The following ATP1B2 variants were observed in gnomAD, a reference collection of about 807,000 sequenced individuals.
ATP1B2 encodes sodium/potassium-transporting ATPase subunit beta-2.
Under a neutral mutation model 37.3 loss-of-function variants are expected in ATP1B2, and 12 were observed. The observed-to-expected ratio is 0.32, with a 90% CI of 0.21 to 0.52. The LOEUF is 0.52. ATP1B2 is among the 20% of genes least tolerant of loss of function. ATP1B2 has a pLI of 0.96. For missense variants in ATP1B2, 324 were observed against 391.6 expected, an observed-to-expected ratio of 0.83 and a Z score of 1.46; for synonymous variants, 139 against 140.5, an observed-to-expected ratio of 0.99 and a Z score of 0.07.
Position 7,653,899 on chromosome 17 carries a change from T to G in ATP1B2, c.300T>G (p.Thr100=). The change falls in exon 3 of 7, where the codon ACT becomes ACG. Residue 100 remains threonine, a synonymous_variant. Coordinates refer to ENST00000250111, the MANE Select transcript of ATP1B2 (RefSeq NM_001678.5). The part of the protein sequence containing the change: ...NLDVIVNVSD[T]ESWDQHVQKL... ...ATGTCATTGTCAATGTCAGTGACAC[T>G]GAAAGCTGGGACCAGCATGTTCAGA... 1 of 1,614,210 alleles carries G rather than the reference T, an allele frequency of 6.2e-7. No homozygotes were observed.
rs768024660 is a variant in ATP1B2 at position 7,651,599 on chromosome 17, C to A, written c.81C>A (p.His27Gln). 5 of 1,606,196 alleles carry A rather than the reference C, an allele frequency of 3.1e-6. No homozygotes were observed. Among genetic ancestry groups the A allele is most frequent in the Non-Finnish European group, 4.2e-6 (5 of 1,176,640 alleles). The change falls in exon 1 of 7, where the codon CAC becomes CAA. Residue 27 changes from histidine (H) to glutamine (Q), a missense_variant. His to Gln is a conservative substitution (Grantham distance 24, BLOSUM62 0). Transcript: ENST00000250111. ...WKEFVWNPRT[H>Q]QFMGRTGTSW... ...AGTTCGTGTGGAACCCGAGGACGCACCAGTTTATGGGCCGCACCGGGACCA... is the reference window on the plus strand; with the variant it reads ...AGTTCGTGTGGAACCCGAGGACGCAACAGTTTATGGGCCGCACCGGGACCA...
chr17:7,653,922 A>G lies in ATP1B2; in HGVS notation c.323A>G (p.Gln108Arg), dbSNP rs531342420. Residue 108 changes from glutamine to arginine, a missense_variant, in exon 3 of 7, where the codon CAG becomes CGG. Gln to Arg is a conservative substitution (Grantham distance 43, BLOSUM62 1). Coordinates refer to ENST00000250111, the MANE Select transcript of ATP1B2 (RefSeq NM_001678.5). ...SDTESWDQHV[Q>R]KLNKFLEPYN... The stretch of plus-strand genomic sequence containing the variant: ...ACTGAAAGCTGGGACCAGCATGTTC[A>G]GAAGCTCAACAAGTTCTTGGAGCGT... 5 of 1,614,094 alleles carry G rather than the reference A, an allele frequency of 3.1e-6. No homozygotes were observed. In the African/African-American group the frequency reaches 6.7e-5, roughly 22 times the overall value.
At chr17:7,646,981 G>A (rs530135349), upstream of ATP1B2, among the ~76,000 whole-genome samples, 71 of 151,928 alleles carry the variant, frequency 4.7e-4, no homozygotes, top group African/African-American at 1.6e-3. Context: ...CATTTAGCCC[G>A]GTGAGACTAG....
chr17:7,655,836 G>C lies in ATP1B2; in HGVS notation c.814G>C (p.Asp272His), dbSNP rs373212937. The change falls in exon 7 of 7, where the codon GAT (aspartate) becomes CAT (histidine). Residue 272 changes from aspartate to histidine, a missense_variant. Transcript: ENST00000250111. The surrounding 1 kb of genome is among the most constrained non-coding windows in gnomAD (Gnocchi z 4.4). ...CAACGCCGCCAACATCGCCACAGACGATGAGCGAGACAAGTTCGCCGGCCG... is the reference window on the plus strand; with the variant it reads ...CAACGCCGCCAACATCGCCACAGACCATGAGCGAGACAAGTTCGCCGGCCG... ...RINAANIATD[D>H]ERDKFAGRVA... 1.5e-5 allele frequency: 25 copies of C among 1,613,972 alleles called. No individual in the cohort carries two copies. The highest frequency in any genetic ancestry group is 1.2e-4 in the Admixed American group (7 of 59,980).
intron 1 of ATP1B2, among the ~76,000 whole-genome samples, chr17:7,652,218 G>T (rs1318527332): frequency 6.6e-6 from 1 of 152,118 alleles, no homozygotes; most frequent in African/African-American, 2.4e-5. Context: ...TGTCGGTGAC[G>T]GAGGGAGGAG....
upstream of ATP1B2, among the ~76,000 whole-genome samples, chr17:7,648,385 C>T (rs1055787859): frequency 4.0e-5 from 6 of 151,854 alleles, no homozygotes; most frequent in Admixed American, 1.3e-4. Flanking sequence ...CAAAACTAGC[C>T]TGGCCAACAT....
In ATP1B2 at chr17:7,654,511, C is replaced by A; in HGVS notation, c.553-117C>A. The A allele has an allele frequency of 8.4e-7, 1 of 1,184,354 alleles. No individual in the cohort carries two copies. The allele number at this position is 1,184,354 out of a possible 1,614,324, so 73.4% of individuals were successfully genotyped here. ...CCTTGAACTCCTGGAATTAAGCTAT[C>A]CTCCCGCCTCAACCTCCCTAGTAGT... On this transcript the variant is annotated intron_variant, in intron 4 of 6. Coordinates refer to ENST00000250111, the MANE Select transcript of ATP1B2 (RefSeq NM_001678.5). This position sits in a 1 kb window ranked among gnomAD's most constrained non-coding sequence, Gnocchi z 4.9.
Position 7,655,708 on chromosome 17 carries a change from C to T in ATP1B2, c.709-23C>T, listed in dbSNP as rs758409378. On this transcript the variant is annotated intron_variant, in intron 6 of 6. Transcript: ENST00000250111. This position sits in a 1 kb window ranked among gnomAD's most constrained non-coding sequence, Gnocchi z 4.4. Reference sequence around the variant, plus strand: ...AGGCCGCGTTGCCCCAGGCCTAGACCCTGCACTGCTCCTCCGGCCCAGGTG... The same window carrying T: ...AGGCCGCGTTGCCCCAGGCCTAGACTCTGCACTGCTCCTCCGGCCCAGGTG... 1.2e-6 allele frequency: 2 copies of T among 1,613,982 alleles called. No individual in the cohort carries two copies. The highest frequency in any genetic ancestry group is 1.7e-6 in the Non-Finnish European group (2 of 1,179,942).
In ATP1B2 at chr17:7,656,093, C is replaced by G; in HGVS notation, c.*198C>G. 1 of 684,586 alleles carries G rather than the reference C, an allele frequency of 1.5e-6. No individual in the cohort carries two copies. The highest frequency in any genetic ancestry group is 2.8e-5 in the East Asian group (1 of 35,730). 42.4% of individuals were successfully genotyped at this position (684,586 alleles called of 1,614,324 possible). A position where few individuals can be genotyped will look rare whatever the true frequency, so the allele number is the denominator to read the frequency against. On this transcript the variant is annotated 3_prime_UTR_variant, in exon 7 of 7. Coordinates refer to ENST00000250111, the MANE Select transcript of ATP1B2 (RefSeq NM_001678.5). ...TTCCGTCACTCGCCTTTCCCACCAA[C>G]TTCTCCCAACCTCAGATCAGTCAGA...
intron 1 of ATP1B2, 57 bp from the exon 2 acceptor site, chr17:7,653,317 T>C: frequency 6.2e-7 from 1 of 1,609,898 alleles, no homozygotes; most frequent in South Asian, 1.1e-5. Context: ...TGTGTGGGGA[T>C]AGTTGAGGTT....
chr17:7,651,653 G>A (rs893029682), intron 1 of ATP1B2, 23 bp downstream of exon 1: 1 of 1,567,730 alleles, frequency 6.4e-7, no homozygotes, highest in East Asian at 2.4e-5. Context: ...GGCACGCAAG[G>A]GGCGGGGGAA....
At chr17:7,651,693 G>T in intron 1 of ATP1B2, 63 bp downstream of exon 1, 1 of 1,434,376 alleles carries the variant, frequency 7.0e-7, no homozygotes, top group African/African-American at 1.5e-5. Flanking sequence ...GGGGGCGCAG[G>T]GTCCCGCCGA....
In ATP1B2 at chr17:7,655,294, G is replaced by C; in HGVS notation, c.610-233G>C. Reference sequence around the variant, plus strand: ...GGTAGGAGTGGAGTAGGAGGCTTTCGTGCCATTAGCAGCCTTCAGGAGTTC... The same window carrying C: ...GGTAGGAGTGGAGTAGGAGGCTTTCCTGCCATTAGCAGCCTTCAGGAGTTC... On this transcript the variant is annotated intron_variant, in intron 5 of 6. Coordinates refer to ENST00000250111, the MANE Select transcript of ATP1B2 (RefSeq NM_001678.5). The surrounding 1 kb of genome is among the most constrained non-coding windows in gnomAD (Gnocchi z 4.4). 1 of 577,188 alleles carries C rather than the reference G, an allele frequency of 1.7e-6. No individual in the cohort carries two copies. Among genetic ancestry groups the C allele is most frequent in the Non-Finnish European group, 3.1e-6 (1 of 324,954 alleles). 35.8% of individuals were successfully genotyped at this position (577,188 alleles called of 1,614,324 possible).
Position 7,651,189 on chromosome 17 carries a change from C to A in ATP1B2, c.-330C>A. ...TTTTGTAGCCGTCTGTTTTTGCACC[C>A]CATTTCGTTTTGTTTCTAGACGGTT... is the stretch of plus-strand genomic sequence containing the variant. On this transcript the variant is annotated 5_prime_UTR_variant, in exon 1 of 7. Coordinates refer to ENST00000250111, the MANE Select transcript of ATP1B2 (RefSeq NM_001678.5). The A allele has an allele frequency of 3.6e-6, 1 of 279,676 alleles. No homozygotes were observed. Among genetic ancestry groups the A allele is most frequent in the Non-Finnish European group, 6.9e-6 (1 of 145,564 alleles). The allele number at this position is 279,676 out of a possible 1,614,324, so 17.3% of individuals were successfully genotyped here.
chr17:7,651,257 T>C lies in ATP1B2; in HGVS notation c.-262T>C, dbSNP rs2072610039. On this transcript the variant is annotated 5_prime_UTR_variant, in exon 1 of 7. Coordinates refer to ENST00000250111, the MANE Select transcript of ATP1B2 (RefSeq NM_001678.5). ...GCATTCATACCCCTTCCTCTTGTTA[T>C]TCTCCCCTGCTCTGACAGCACCCCT... 6.3e-6 allele frequency: 3 copies of C among 479,398 alleles called. No homozygotes were observed. The South Asian group carries it at 6.3e-5, about 10-fold the overall frequency. The allele number at this position is 479,398 out of a possible 1,614,324, so 29.7% of individuals were successfully genotyped here.
chr17:7,649,660 C>G (rs1398049995), upstream of ATP1B2, among the ~76,000 whole-genome samples: 2 of 151,912 alleles, frequency 1.3e-5, no homozygotes. Flanking sequence ...TCATGCCATT[C>G]TCCTGCCTCA....
rs2072649395 is a variant in ATP1B2, at chr17:7,656,021, C to T, written c.*126C>T. 19 of 1,305,246 alleles carry T rather than the reference C, an allele frequency of 1.5e-5. No homozygotes were observed. The highest frequency in any genetic ancestry group is 2.0e-5 in the Non-Finnish European group (19 of 957,568). 80.9% of individuals were successfully genotyped at this position (1,305,246 alleles called of 1,614,324 possible). ...ACAGAGCTATGACTTGTCTGAGCCT[C>T]ACATCCTTTTCCTTGACTTCTCAAC... On this transcript the variant is annotated 3_prime_UTR_variant, in exon 7 of 7. Transcript: ENST00000250111.
Position 7,653,796 on chromosome 17 carries a change from C to T in ATP1B2, c.242-45C>T, listed in dbSNP as rs759065805. On this transcript the variant is annotated intron_variant, in intron 2 of 6. Coordinates refer to ENST00000250111, the MANE Select transcript of ATP1B2 (RefSeq NM_001678.5). ...CATTTTCTTCCCTCTGTGTGCAGTC[C>T]CTCATCTTATAGATACCCCCAACTT... 35 of 1,577,014 alleles carry T rather than the reference C, an allele frequency of 2.2e-5. No individual in the cohort carries two copies. The East Asian group carries it at 7.2e-4, about 32-fold the overall frequency.
chr17:7,650,512 C>G (rs545349452), upstream of ATP1B2, among the ~76,000 whole-genome samples: 95 of 152,278 alleles, frequency 6.2e-4, no homozygotes, highest in African/African-American at 2.1e-3. Context: ...CTTTCTTGAT[C>G]TCTAGCTCTT....
Sources: allele counts gnomAD v4.1 joint callset (sites outside exome capture counted in the v4.1 genomes callset), GRCh38; gene constraint gnomAD v4.1.1; non-coding constraint Gnocchi (gnomAD v3.1); transcripts MANE v1.5; gene names NCBI Gene and HGNC (gene_info 2026-07-23, HGNC 2026-07-21).